DYTN: variants seen among roughly 807,000 people sequenced by gnomAD.
DYTN encodes dystrotelin.
In DYTN, 75 loss-of-function variants were observed where a neutral mutation model predicts 69.6. The ratio of observed to expected loss-of-function variants is 1.08; its 90% confidence interval spans 0.89 to 1.31. The LOEUF is 1.31. Ranked by LOEUF, DYTN falls within the 50% of genes most tolerant of loss-of-function variation. The probability of loss-of-function intolerance (pLI) is 0.00; values close to 1 mark genes in which losing one functional copy is unlikely to be tolerated. For missense variants in DYTN, 726 were observed against 688.4 expected (o/e 1.05, Z -0.61); for synonymous variants, 252 against 249.1 (o/e 1.01, Z -0.11).
intron 9 of DYTN, among the ~76,000 whole-genome samples, chr2:206,674,920 C>T (rs996884114): frequency 2.0e-5 from 3 of 151,802 alleles, no homozygotes; most frequent in Admixed American, 1.3e-4. Flanking sequence ...CTCGAGCCAA[C>T]AACTAAAACT....
At chr2:206,703,731 G>A (rs988141121) in intron 5 of DYTN, among the ~76,000 whole-genome samples, 1 of 152,092 alleles carries the variant, frequency 6.6e-6, no homozygotes, top group Non-Finnish European at 1.5e-5. Context: ...CATCATGCAT[G>A]GCTATCCTCA....
At chr2:206,703,185 G>A (rs1471373597) in intron 5 of DYTN, among the ~76,000 whole-genome samples, 1 of 152,162 alleles carries the variant, frequency 6.6e-6, no homozygotes, top group African/African-American at 2.4e-5. Context: ...GATTTTTAGA[G>A]CCTGTTGGAC....
intron 9 of DYTN, among the ~76,000 whole-genome samples, chr2:206,686,278 T>A (rs1197931291): frequency 3.3e-5 from 5 of 152,210 alleles, no homozygotes; most frequent in African/African-American, 1.2e-4. Context: ...CAAACAGCAT[T>A]AAGAAATTCT....
At chr2:206,683,774 C>G (rs1391686593) in intron 9 of DYTN, among the ~76,000 whole-genome samples, 19 of 152,014 alleles carry the variant, frequency 1.2e-4, no homozygotes, top group Admixed American at 1.1e-3. Flanking sequence ...ACCAAGCATG[C>G]CCCCACTTGG....
At chr2:206,700,312 G>C (rs1699964015) in intron 5 of DYTN, 96 bp from the exon 6 acceptor site, 1 of 1,337,946 alleles carries the variant, frequency 7.5e-7, no homozygotes, top group East Asian at 2.3e-5. Context: ...CGGCTGTGTA[G>C]TCACAAGTAT....
intron 9 of DYTN, among the ~76,000 whole-genome samples, chr2:206,675,777 G>GA: frequency 6.6e-6 from 1 of 152,276 alleles, no homozygotes; most frequent in African/African-American, 2.4e-5. Context: ...CAAGGGATAT[G>GA]AACAGACACT....
chr2:206,700,265 C>T lies in DYTN; in HGVS notation c.484-49G>A, dbSNP rs759213703. 18 of 1,604,542 alleles carry T rather than the reference C, an allele frequency of 1.1e-5. No homozygotes were observed. In the Admixed American group the frequency reaches 2.5e-4, roughly 22 times the overall value. ...GCTGTTAGAAAGTGGAGAAATATGTCGTCTCCGGGAGCAGCAGGGCTGAGA... is the reference window on the plus strand; with the variant it reads ...GCTGTTAGAAAGTGGAGAAATATGTTGTCTCCGGGAGCAGCAGGGCTGAGA... On this transcript the variant is annotated intron_variant, in intron 5 of 11. Coordinates refer to ENST00000452335, the MANE Select transcript of DYTN (RefSeq NM_001093730.1).
chr2:206,675,137 GTGTGTGTGTA>G (rs1243898446), intron 9 of DYTN, among the ~76,000 whole-genome samples: 3 of 139,958 alleles, frequency 2.1e-5, no homozygotes, highest in Admixed American at 7.4e-5. Flanking sequence ...GTGTGTGTGT[GTGTGTGTGTA>G]TATATGTGTA....
At chr2:206,675,395 A>G (rs901939813) in intron 9 of DYTN, among the ~76,000 whole-genome samples, 1 of 150,794 alleles carries the variant, frequency 6.6e-6, no homozygotes, top group East Asian at 1.9e-4. Flanking sequence ...AAATAAACCA[A>G]TATTTGAGTT....
chr2:206,653,313 C>T (rs935200898), intron 11 of DYTN, among the ~76,000 whole-genome samples: 9 of 152,092 alleles, frequency 5.9e-5, no homozygotes, highest in Non-Finnish European at 1.3e-4. Context: ...GCTTTAGTCT[C>T]TTGAAATATT....
intron 11 of DYTN, among the ~76,000 whole-genome samples, chr2:206,654,335 C>T (rs897846133): frequency 6.6e-6 from 1 of 152,110 alleles, no homozygotes; most frequent in South Asian, 2.1e-4. Context: ...TTATTTTCAG[C>T]CTACTCAACG....
At position 206,710,615 on chromosome 2, in the gene DYTN, A is replaced by C. The variant is rs1031309832; in HGVS notation, c.20-17T>G. On this transcript the variant is annotated splice_polypyrimidine_tract_variant and intron_variant, in intron 1 of 11. Transcript: ENST00000452335. ...TAAGAGCATCTGTAAAGAAAACGTA[A>C]AATATTATGAATAAAGTCTCTCTCA... is the stretch of plus-strand genomic sequence containing the variant. The C allele has an allele frequency of 1.4e-5, 22 of 1,555,376 alleles. No individual in the cohort carries two copies. Among genetic ancestry groups the C allele is most frequent in the Non-Finnish European group, 1.8e-5 (21 of 1,138,570 alleles).
In DYTN at chr2:206,663,346, C is replaced by A. The variant is rs373862091; in HGVS notation, c.1190G>T (p.Gly397Val). The A allele has an allele frequency of 3.1e-6, 5 of 1,612,180 alleles. No homozygotes were observed. Among genetic ancestry groups the A allele is most frequent in the Non-Finnish European group, 4.2e-6 (5 of 1,179,338 alleles). Residue 397 changes from glycine (G) to valine (V), a missense_variant, in exon 11 of 12, where the codon GGG becomes GTG. Transcript: ENST00000452335. ...GPSSSSFQNVGNKVDHSSTEK... is the reference protein window; with the variant it reads ...GPSSSSFQNVVNKVDHSSTEK... ...AGTTGAAGAATGGTCAACCTTGTTC[C>A]CCACATTTTGAAAGGAAGAAGATGA...
At chr2:206,670,666 T>C (rs893010089) in intron 9 of DYTN, 1 of 152,326 alleles carries the variant, frequency 6.6e-6, no homozygotes, top group East Asian at 1.9e-4. Flanking sequence ...AGAAATTCAA[T>C]CTATTTCAAA....
chr2:206,667,632 A>G (rs1401366605), intron 9 of DYTN, among the ~76,000 whole-genome samples: 3 of 151,766 alleles, frequency 2.0e-5, no homozygotes, highest in Non-Finnish European at 2.9e-5. Flanking sequence ...TTTTACTTAT[A>G]TATTACCTAC....
At chr2:206,703,107 G>A (rs925391545) in intron 5 of DYTN, among the ~76,000 whole-genome samples, 1 of 152,108 alleles carries the variant, frequency 6.6e-6, no homozygotes, top group Non-Finnish European at 1.5e-5. Context: ...GTGCGGGTAG[G>A]GGCGGAGTGC....
chr2:206,661,523 G>A (rs1699511297), intron 11 of DYTN, among the ~76,000 whole-genome samples: 2 of 151,942 alleles, frequency 1.3e-5, no homozygotes, highest in African/African-American at 4.8e-5. Context: ...CTCCTGGGAC[G>A]GCAAGACCAA....
In DYTN at chr2:206,704,715, T is replaced by C. The variant is rs1157347472; in HGVS notation, c.483+128A>G. 1.3e-5 allele frequency: 10 copies of C among 742,740 alleles called. No homozygotes were observed. The East Asian group carries it at 2.4e-4, about 18-fold the overall frequency. The allele number at this position is 742,740 out of a possible 1,614,324, so 46.0% of individuals were successfully genotyped here. A position where few individuals can be genotyped will look rare whatever the true frequency, so the allele number is the denominator to read the frequency against. On this transcript the variant is annotated intron_variant, in intron 5 of 11. Coordinates refer to ENST00000452335, the MANE Select transcript of DYTN (RefSeq NM_001093730.1). ...TATATTCAAGTAACAGCAATGGCTA[T>C]GGAGGAGAGAGCTTGCATGGAGTTA...
rs116331064 is a variant in DYTN at position 206,698,455 on chromosome 2, T to G, written c.719+1272A>C. 9.4e-3 allele frequency among the ~76,000 whole-genome samples: 1,424 copies of G among 152,222 alleles called. 22 individuals carry two copies. The highest frequency in any genetic ancestry group is 0.033 in the African/African-American group (1,372 of 41,530). On this transcript the variant is annotated intron_variant, in intron 7 of 11. Coordinates refer to ENST00000452335, the MANE Select transcript of DYTN (RefSeq NM_001093730.1). Reference sequence around the variant, plus strand: ...GGGAACAAAGTGAGCAGGAGCTGAGTCCTGAGGCCTCTTGTCCCCTTCTCC... The same window carrying G: ...GGGAACAAAGTGAGCAGGAGCTGAGGCCTGAGGCCTCTTGTCCCCTTCTCC...
Sources: gnomAD v4.1 joint callset for allele counts (sites outside exome capture counted in the v4.1 genomes callset) on GRCh38, gnomAD v4.1.1 for gene constraint, MANE v1.5 for transcripts, NCBI Gene and HGNC (gene_info 2026-07-23, HGNC 2026-07-21) for gene names.